PCNX2: variants seen among roughly 807,000 people sequenced by gnomAD.
PCNX2 encodes the protein pecanex 2.
Under a neutral mutation model 223.8 loss-of-function variants are expected in PCNX2, and 168 were observed. The observed-to-expected ratio is 0.75, with a 90% CI of 0.66 to 0.85. The LOEUF is 0.85. PCNX2 is among the 40% of genes least tolerant of loss of function. The pLI is 0.00. For missense variants in PCNX2, 2,507 were observed against 2,675.5 expected, an observed-to-expected ratio of 0.94 and a Z score of 1.39; for synonymous variants, 1,006 against 1,052.6, an observed-to-expected ratio of 0.96 and a Z score of 0.86.
At chr1:233,146,662 C>CA (rs964489791) in intron 19 of PCNX2, among the ~76,000 whole-genome samples, 15 of 151,772 alleles carry the variant, frequency 9.9e-5, no homozygotes, top group East Asian at 1.9e-4. Context: ...TATATTCCTG[C>CA]AAAAAAAATG....
intron 26 of PCNX2, among the ~76,000 whole-genome samples, 151 bp from the exon 27 acceptor site, chr1:233,017,305 T>C (rs1213410852): frequency 6.9e-6 from 1 of 145,098 alleles, no homozygotes; most frequent in Admixed American, 7.1e-5. Context: ...TGAGACATTC[T>C]AAAATGTCCT....
At chr1:233,280,747 T>C (rs1384806070) in intron 1 of PCNX2, among the ~76,000 whole-genome samples, 1 of 152,214 alleles carries the variant, frequency 6.6e-6, no homozygotes. Context: ...GGTCAATAAA[T>C]AAACATTTAT....
At chr1:233,092,088 G>C (rs1484616568) in intron 22 of PCNX2, among the ~76,000 whole-genome samples, 4 of 152,156 alleles carry the variant, frequency 2.6e-5, no homozygotes, top group Non-Finnish European at 5.9e-5. Flanking sequence ...AAAGGGAATT[G>C]CATGCAAGAT....
Position 233,095,548 on chromosome 1 carries a change from T to C in PCNX2, c.3946+207A>G, listed in dbSNP as rs1362186645. The C allele has an allele frequency of 1.9e-5, 11 of 576,286 alleles. No individual in the cohort carries two copies. The East Asian group carries it at 2.3e-4, about 12-fold the overall frequency. 35.7% of individuals were successfully genotyped at this position (576,286 alleles called of 1,614,324 possible). ...AAAAAATAAAAGTAACTCCTGAATA[T>C]GCATTAAGAAGCAGGAAGAGTTCAA... On this transcript the variant is annotated intron_variant, in intron 22 of 33. Transcript: ENST00000258229.
intron 21 of PCNX2, among the ~76,000 whole-genome samples, chr1:233,115,552 C>A (rs1297636322): frequency 6.6e-6 from 1 of 152,156 alleles, no homozygotes; most frequent in African/African-American, 2.4e-5. Flanking sequence ...GTTCCTGTCA[C>A]CTGATACAAC....
intron 23 of PCNX2, among the ~76,000 whole-genome samples, chr1:233,071,853 T>C (rs1426399623): frequency 6.6e-6 from 1 of 152,216 alleles, no homozygotes; most frequent in Non-Finnish European, 1.5e-5. Context: ...TAGTGTGAGA[T>C]GGTACTTCAC....
intron 8 of PCNX2, among the ~76,000 whole-genome samples, chr1:233,244,577 T>G (rs1332257546): frequency 6.6e-6 from 1 of 151,974 alleles, no homozygotes; most frequent in Non-Finnish European, 1.5e-5. Flanking sequence ...CCAGGTGTGG[T>G]GGTGCATGCC....
At chr1:233,295,929 T>TTTCTTC (rs767774399), upstream of PCNX2, among the ~76,000 whole-genome samples, 10 of 140,520 alleles carry the variant, frequency 7.1e-5, no homozygotes, top group African/African-American at 2.4e-4. This position sits in a 1 kb window ranked among gnomAD's most constrained non-coding sequence, Gnocchi z 4.1. Flanking sequence ...CCTCTCTCTC[T>TTTCTTC]CTTTCTTCCT....
At chr1:233,094,963 T>C (rs1674070580) in intron 22 of PCNX2, among the ~76,000 whole-genome samples, 1 of 152,182 alleles carries the variant, frequency 6.6e-6, no homozygotes, top group Admixed American at 6.6e-5. Context: ...CCCTGTTTCC[T>C]GGGAAACACA....
At chr1:233,185,699 A>G (rs1194278892) in intron 15 of PCNX2, among the ~76,000 whole-genome samples, 1 of 152,234 alleles carries the variant, frequency 6.6e-6, no homozygotes, top group Non-Finnish European at 1.5e-5. Flanking sequence ...AAAATTTACA[A>G]ATGTATATCT....
intron 17 of PCNX2, among the ~76,000 whole-genome samples, chr1:233,163,060 G>A (rs1473583276): frequency 2.6e-5 from 4 of 152,064 alleles, no homozygotes; most frequent in South Asian, 4.1e-4. Flanking sequence ...TGAGTATCCC[G>A]TGTAAATACA....
At chr1:233,257,575 T>C (rs560560186) in intron 5 of PCNX2, among the ~76,000 whole-genome samples, 1 of 152,362 alleles carries the variant, frequency 6.6e-6, no homozygotes, top group East Asian at 1.9e-4. Flanking sequence ...GTTATTATTA[T>C]GTGTACAACA....
intron 19 of PCNX2, among the ~76,000 whole-genome samples, chr1:233,149,663 C>A (rs768407512): frequency 6.6e-6 from 1 of 152,158 alleles, no homozygotes; most frequent in Non-Finnish European, 1.5e-5. Flanking sequence ...CTAACATGTA[C>A]ACATGTTGTT....
chr1:233,176,214 A>C (rs569679462), intron 17 of PCNX2, among the ~76,000 whole-genome samples: 1 of 152,340 alleles, frequency 6.6e-6, no homozygotes, highest in South Asian at 2.1e-4. Flanking sequence ...TCAAAGTATG[A>C]ATGTTTGTAA....
At chr1:233,268,881 C>A (rs1296994093) in intron 1 of PCNX2, among the ~76,000 whole-genome samples, 1 of 152,170 alleles carries the variant, frequency 6.6e-6, no homozygotes, top group Non-Finnish European at 1.5e-5. Context: ...ATGCCCTCCC[C>A]TTCTTCTCTC....
At chr1:233,138,996 T>C (rs796129842) in intron 20 of PCNX2, among the ~76,000 whole-genome samples, 8 of 152,338 alleles carry the variant, frequency 5.3e-5, no homozygotes, top group African/African-American at 7.2e-5. Flanking sequence ...CTTGGATACA[T>C]AGTGTTTAAG....
At chr1:232,993,324 C>T (rs892767119) in intron 32 of PCNX2, among the ~76,000 whole-genome samples, 1 of 152,224 alleles carries the variant, frequency 6.6e-6, no homozygotes, top group Non-Finnish European at 1.5e-5. Flanking sequence ...AACAAAGAGA[C>T]TGGCGGCATT....
chr1:233,205,307 G>A (rs980778306), intron 13 of PCNX2, among the ~76,000 whole-genome samples: 1 of 152,230 alleles, frequency 6.6e-6, no homozygotes, highest in Non-Finnish European at 1.5e-5. Flanking sequence ...TCTAAGGGCT[G>A]AGTTAAACGG....
At chr1:233,033,997 A>C (rs1342394770) in intron 25 of PCNX2, among the ~76,000 whole-genome samples, 2 of 152,116 alleles carry the variant, frequency 1.3e-5, no homozygotes, top group Non-Finnish European at 1.5e-5. Flanking sequence ...GTGGATCATG[A>C]GGTCAAGAGA....
Sources: gnomAD v4.1 joint callset for allele counts (sites outside exome capture counted in the v4.1 genomes callset) on GRCh38, gnomAD v4.1.1 for gene constraint, Gnocchi (gnomAD v3.1) non-coding constraint, MANE v1.5 for transcripts, NCBI Gene and HGNC (gene_info 2026-07-23, HGNC 2026-07-21) for gene names.